The following CHID1 variants were observed in gnomAD, a reference collection of about 807,000 sequenced individuals.
CHID1 encodes the protein chitinase domain containing 1.
A neutral mutation model predicts 55.4 loss-of-function variants in CHID1; 44 were observed. The ratio of observed to expected loss-of-function variants is 0.79; its 90% CI spans 0.62 to 1.02. The LOEUF (loss-of-function observed/expected upper bound fraction) is 1.02, where lower values mean the gene tolerates loss of function less well. CHID1 is among the 50% of genes least tolerant of loss of function. The pLI, the probability that CHID1 is intolerant of heterozygous loss-of-function variation, is 0.00. For synonymous variants in CHID1, 216 were observed against 212.9 expected (o/e 1.01, Z -0.13); for missense variants, 491 against 515.3 (o/e 0.95, Z 0.46).
upstream of CHID1, chr11:910,869 C>G: frequency 2.8e-6 from 3 of 1,070,380 alleles, no homozygotes; most frequent in Non-Finnish European, 3.4e-6. Flanking sequence ...GCGCCGCCGC[C>G]GCGCACGGCA....
In CHID1 at chr11:910,786, G is replaced by T; in HGVS notation, c.-55C>A. ...GCCGCGGGGCTCACCTGCATGTCAG[G>T]GAGGCCGGACGGCCACAAACGCACG... On this transcript the variant is annotated 5_prime_UTR_variant, in exon 1 of 13. Coordinates refer to ENST00000323578, the MANE Select transcript of CHID1 (RefSeq NM_023947.4). The T allele has an allele frequency of 8.9e-7, 1 of 1,126,578 alleles. No individual in the cohort carries two copies. The highest frequency in any genetic ancestry group is 1.1e-6 in the Non-Finnish European group (1 of 911,860). The allele number at this position is 1,126,578 out of a possible 1,614,324, so 69.8% of individuals were successfully genotyped here.
intron 10 of CHID1, among the ~76,000 whole-genome samples, chr11:873,470 T>G (rs1246090148): frequency 4.0e-5 from 6 of 148,614 alleles, no homozygotes; most frequent in Non-Finnish European, 7.5e-5. Context: ...CCACAGTGAG[T>G]GGGGAGCGAG....
At chr11:874,237 G>A (rs947012667) in intron 10 of CHID1, among the ~76,000 whole-genome samples, 5 of 152,072 alleles carry the variant, frequency 3.3e-5, no homozygotes, top group Non-Finnish European at 7.4e-5. Context: ...TGAGGCGGGC[G>A]GATCACCTGA....
chr11:892,022 G>C (rs1211501183), intron 8 of CHID1, among the ~76,000 whole-genome samples: 1 of 152,264 alleles, frequency 6.6e-6, no homozygotes, highest in East Asian at 1.9e-4. Context: ...AGGCTGAGGT[G>C]GGGGATCACT....
At chr11:870,769 C>G in intron 10 of CHID1, 1 of 417,426 alleles carries the variant, frequency 2.4e-6, no homozygotes, top group Non-Finnish European at 4.5e-6. Context: ...GAGAGTGACA[C>G]GGGGCCTGAA....
intron 10 of CHID1, among the ~76,000 whole-genome samples, chr11:873,928 C>T (rs973456091): frequency 5.3e-5 from 8 of 152,008 alleles, no homozygotes; most frequent in Non-Finnish European, 8.8e-5. Context: ...CACCGAGACG[C>T]GCCACAGAGC....
At position 875,381 on chromosome 11, in the gene CHID1, G is replaced by A. The variant is rs1849441244; in HGVS notation, c.960-4882C>T. ...CCGTCTCCCGCTCGGGGAGGCGGGC[G>A]TGGCTGGGCCCGCAGGTAATGCCAG... is the stretch of plus-strand genomic sequence containing the variant. On this transcript the variant is annotated intron_variant, in intron 10 of 12. Transcript: ENST00000323578. The surrounding 1 kb of genome is among the most constrained non-coding windows in gnomAD (Gnocchi z 4.7). Among the ~76,000 whole-genome samples, 1 of 152,228 alleles carries A rather than the reference G, an allele frequency of 6.6e-6. No individual in the cohort carries two copies. The highest frequency in any genetic ancestry group is 1.5e-5 in the Non-Finnish European group (1 of 68,050).
chr11:910,945 G>C (rs934418383), upstream of CHID1: 3 of 400,874 alleles, frequency 7.5e-6, no homozygotes, highest in African/African-American at 2.2e-5. Flanking sequence ...AGTCGGGGCC[G>C]GGGCCGGGGC....
At chr11:901,808 A>T (rs1172929109) in intron 4 of CHID1, among the ~76,000 whole-genome samples, 1 of 150,888 alleles carries the variant, frequency 6.6e-6, no homozygotes, top group Non-Finnish European at 1.5e-5. Context: ...CACCTCAGAA[A>T]CCCCCTCTAC....
chr11:899,892 CCAGGG>C, intron 6 of CHID1, 107 bp downstream of exon 6: 2 of 711,750 alleles, frequency 2.8e-6, no homozygotes, highest in South Asian at 3.3e-5. Context: ...CAGAAGGTGC[CCAGGG>C]CAGAAGACAG....
intron 7 of CHID1, among the ~76,000 whole-genome samples, chr11:898,164 A>G (rs570002864): frequency 3.0e-4 from 45 of 152,212 alleles, no homozygotes; most frequent in Non-Finnish European, 7.4e-5. Context: ...CTGCCTCAAC[A>G]ATGTCCCTTC....
At chr11:892,110 A>G (rs28675735) in intron 8 of CHID1, among the ~76,000 whole-genome samples, 16,131 of 152,044 alleles carry the variant, frequency 0.11, 1,193 homozygotes, top group Admixed American at 0.22. Flanking sequence ...GTGAGACTCT[A>G]TCTCAAAAAA....
chr11:905,123 C>G (rs925916432), intron 1 of CHID1, among the ~76,000 whole-genome samples: 1 of 152,198 alleles, frequency 6.6e-6, no homozygotes, highest in Non-Finnish European at 1.5e-5. Flanking sequence ...GCCACAGAAC[C>G]CTCCCCTCAC....
At position 869,535 on chromosome 11, in the gene CHID1, G is replaced by A; in HGVS notation, c.*323C>T. 1 of 449,574 alleles carries A rather than the reference G, an allele frequency of 2.2e-6. No individual in the cohort carries two copies. Among genetic ancestry groups the A allele is most frequent in the East Asian group, 4.0e-5 (1 of 24,776 alleles). The allele number at this position is 449,574 out of a possible 1,614,324, so 27.8% of individuals were successfully genotyped here. A position where few individuals can be genotyped will look rare whatever the true frequency, so the allele number is the denominator to read the frequency against. The stretch of plus-strand genomic sequence containing the variant: ...TCCAAACCCACATCCAGCCCAGGAT[G>A]TGAGAAGCAGCCCAGAAAGGCCTGA... On this transcript the variant is annotated 3_prime_UTR_variant, in exon 13 of 13. Transcript: ENST00000323578.
At chr11:883,094 A>G (rs113441052) in intron 10 of CHID1, 54 bp downstream of exon 10, 1 of 1,566,006 alleles carries the variant, frequency 6.4e-7, no homozygotes, top group Non-Finnish European at 8.7e-7. Flanking sequence ...TTACACCCAC[A>G]CCCACCCGCG....
At chr11:895,983 G>A (rs1156878126) in intron 7 of CHID1, among the ~76,000 whole-genome samples, 4 of 151,954 alleles carry the variant, frequency 2.6e-5, no homozygotes, top group South Asian at 2.1e-4. Flanking sequence ...CCCCTGCAGT[G>A]GCCACTCCGG....
intron 1 of CHID1, 55 bp downstream of exon 1, chr11:910,720 G>T (rs1312203320): frequency 8.0e-7 from 1 of 1,251,568 alleles, no homozygotes; most frequent in Non-Finnish European, 1.0e-6. Flanking sequence ...TTTGCGGGAG[G>T]GAAACTGAGG....
chr11:886,057 G>A (rs942689951), intron 8 of CHID1, among the ~76,000 whole-genome samples: 2 of 151,334 alleles, frequency 1.3e-5, no homozygotes, highest in Admixed American at 1.3e-4. Flanking sequence ...GCTGAGGCAG[G>A]AGAATGGCGT....
intron 7 of CHID1, among the ~76,000 whole-genome samples, chr11:898,818 G>A (rs1851583825): frequency 6.6e-6 from 1 of 152,222 alleles, no homozygotes; most frequent in Admixed American, 6.5e-5. Context: ...GAGGCGTGAG[G>A]GAGTGCTGTG....
Sources: gnomAD v4.1 joint callset for allele counts (sites outside exome capture counted in the v4.1 genomes callset) on GRCh38, gnomAD v4.1.1 for gene constraint, Gnocchi (gnomAD v3.1) non-coding constraint, MANE v1.5 for transcripts, NCBI Gene and HGNC (gene_info 2026-07-23, HGNC 2026-07-21) for gene names.